CEP83: variants seen among roughly 807,000 people sequenced by gnomAD.
CEP83 encodes centrosomal protein 83, also known as centrosomal protein of 83 kDa.
Under a neutral mutation model 101.9 loss-of-function variants are expected in CEP83, and 70 were observed. The ratio of observed to expected loss-of-function variants is 0.69; its 90% CI spans 0.57 to 0.84. The LOEUF (loss-of-function observed/expected upper bound fraction) is 0.84. Ranked by LOEUF, CEP83 falls within the 40% of genes least tolerant of loss-of-function variation. CEP83 has a pLI of 0.00. For missense variants in CEP83, 715 were observed against 787.2 expected, an observed-to-expected ratio of 0.91 and a Z score of 1.10; for synonymous variants, 264 against 267.9, an observed-to-expected ratio of 0.99 and a Z score of 0.14.
the CEP83 span, chr12:94,281,841 A>G: frequency 6.2e-6 from 1 of 160,754 alleles, no homozygotes; most frequent in Non-Finnish European, 1.4e-5. Flanking sequence ...TCACCTAGGC[A>G]TAGGTTAGCA....
At chr12:94,305,774 A>C (rs1968940998), downstream of CEP83, 1 of 153,002 alleles carries the variant, frequency 6.5e-6, no homozygotes, top group African/African-American at 2.4e-5. Context: ...AACTTTCCCC[A>C]GTAGTTCTTG....
At chr12:94,376,949 C>T (rs1457897970) in intron 7 of CEP83, among the ~76,000 whole-genome samples, 2 of 151,990 alleles carry the variant, frequency 1.3e-5, no homozygotes, top group Non-Finnish European at 2.9e-5. Context: ...CCGTGTTGTT[C>T]AGGCTCATCT....
At chr12:94,365,978 C>G (rs2061006495) in intron 11 of CEP83, among the ~76,000 whole-genome samples, 1 of 151,500 alleles carries the variant, frequency 6.6e-6, no homozygotes, top group South Asian at 2.1e-4. Flanking sequence ...TTGTGAGGAA[C>G]AAAAACAAAC....
the CEP83 span, chr12:94,282,150 A>T: frequency 1.7e-6 from 1 of 599,592 alleles, no homozygotes; most frequent in African/African-American, 1.8e-5. Flanking sequence ...AGAACTCAGA[A>T]TTCAGGCTAC....
the CEP83 span, among the ~76,000 whole-genome samples, chr12:94,298,214 T>TTA: frequency 6.6e-6 from 1 of 152,214 alleles, no homozygotes; most frequent in Non-Finnish European, 1.5e-5. Context: ...CAATAAAACT[T>TTA]TATGATAGAA....
intron 8 of CEP83, among the ~76,000 whole-genome samples, chr12:94,370,940 T>C (rs547638970): frequency 6.6e-6 from 1 of 152,200 alleles, no homozygotes; most frequent in Non-Finnish European, 1.5e-5. Context: ...GCTATGATTG[T>C]GCCAATGTAT....
At chr12:94,436,975 C>T (rs988267940) in intron 1 of CEP83, among the ~76,000 whole-genome samples, 3 of 151,886 alleles carry the variant, frequency 2.0e-5, no homozygotes, top group Non-Finnish European at 2.9e-5. Context: ...AAGAGAAATC[C>T]AAAAGTTTAG....
intron 11 of CEP83, 179 bp from the exon 12 acceptor site, chr12:94,335,843 T>C (rs772757473): frequency 3.6e-6 from 2 of 555,558 alleles, no homozygotes; most frequent in Non-Finnish European, 6.4e-6. Context: ...AACAAATTAC[T>C]GCTATTGTGA....
intron 6 of CEP83, among the ~76,000 whole-genome samples, chr12:94,385,068 T>C (rs1019807444): frequency 2.6e-5 from 4 of 152,262 alleles, no homozygotes; most frequent in Admixed American, 6.5e-5. Context: ...ATGGGTGGTG[T>C]TGCCACCTCA....
the CEP83 span, chr12:94,297,275 A>AGT: frequency 6.2e-7 from 1 of 1,612,970 alleles, no homozygotes. Context: ...CTGTAGCAAG[A>AGT]GTGGTCTCCT....
intron 6 of CEP83, among the ~76,000 whole-genome samples, chr12:94,382,042 A>C (rs2061878505): frequency 6.6e-6 from 1 of 152,066 alleles, no homozygotes. Context: ...CCCTAACAGT[A>C]ATAGGTCTAT....
chr12:94,313,113 G>C (rs1970124552), intron 14 of CEP83, 96 bp from the exon 15 acceptor site: 1 of 553,522 alleles, frequency 1.8e-6, no homozygotes, highest in South Asian at 2.8e-5. Context: ...ACTGTGTTTA[G>C]ATATGAATGT....
At chr12:94,389,503 T>C (rs1057164267) in intron 6 of CEP83, among the ~76,000 whole-genome samples, 6 of 152,180 alleles carry the variant, frequency 3.9e-5, no homozygotes, top group African/African-American at 1.4e-4. Flanking sequence ...AGACGGTTGG[T>C]CCAAGATGGC....
At chr12:94,299,148 TG>T in the CEP83 span, among the ~76,000 whole-genome samples, 3 of 152,264 alleles carry the variant, frequency 2.0e-5, no homozygotes, top group Non-Finnish European at 4.4e-5. Flanking sequence ...AACCATTTTT[TG>T]TTCCTAATCG....
In CEP83 at chr12:94,383,909, T is replaced by C. The variant is rs148144675; in HGVS notation, c.550-4867A>G. 2.3e-3 allele frequency among the ~76,000 whole-genome samples: 344 copies of C among 152,230 alleles called. 17 individuals carry two copies. In the East Asian group the frequency reaches 0.061, roughly 27 times the overall value. Reference sequence around the variant, plus strand: ...CCTTTGTCCTTGCTCATTTATAATATAATTACCTAAAATATTTTCTCTATA... The same window carrying C: ...CCTTTGTCCTTGCTCATTTATAATACAATTACCTAAAATATTTTCTCTATA... On this transcript the variant is annotated intron_variant, in intron 6 of 16. Transcript: ENST00000397809.
rs551299098 is a variant in CEP83, at chr12:94,394,933, C to T, written c.549+5917G>A. ...AAAACCACAATGAGATACCATCTCA[C>T]GCCAGTTAGAATAGCAATCATTAAA... On this transcript the variant is annotated intron_variant, in intron 6 of 16. Coordinates refer to ENST00000397809, the MANE Select transcript of CEP83 (RefSeq NM_016122.3). Among the ~76,000 whole-genome samples, 21 of 152,294 alleles carry T rather than the reference C, an allele frequency of 1.4e-4. 1 individual carries two copies. Among genetic ancestry groups the T allele is most frequent in the East Asian group, 5.8e-4 (3 of 5,190 alleles).
At chr12:94,387,495 C>T (rs748541284) in intron 6 of CEP83, among the ~76,000 whole-genome samples, 5 of 152,104 alleles carry the variant, frequency 3.3e-5, no homozygotes, top group Non-Finnish European at 5.9e-5. Context: ...TTGTCTTCCA[C>T]GAAACCAGTC....
At chr12:94,309,807 G>C in intron 16 of CEP83, 111 bp downstream of exon 16, 1 of 593,214 alleles carries the variant, frequency 1.7e-6, no homozygotes, top group Non-Finnish European at 2.8e-6. Context: ...TTTTTGTGGT[G>C]AATTTTGAGC....
chr12:94,323,232 A>T (rs1173857391), intron 14 of CEP83, among the ~76,000 whole-genome samples: 1 of 151,946 alleles, frequency 6.6e-6, no homozygotes, highest in Non-Finnish European at 1.5e-5. Flanking sequence ...GCTTGGCTGG[A>T]GTTGCAGTTG....
Sources: gnomAD v4.1 joint callset for allele counts (sites outside exome capture counted in the v4.1 genomes callset) on GRCh38, gnomAD v4.1.1 for gene constraint, MANE v1.5 for transcripts, NCBI Gene and HGNC (gene_info 2026-07-23, HGNC 2026-07-21) for gene names.